ADGRG6: variants seen among roughly 807,000 people sequenced by gnomAD.
ADGRG6 encodes G-protein coupled receptor 126.
In ADGRG6, 84 loss-of-function variants were observed where a neutral mutation model predicts 142.4. The ratio of observed to expected loss-of-function variants is 0.59; its 90% confidence interval spans 0.49 to 0.71. The LOEUF is 0.71. Among genes scored for constraint, ADGRG6 ranks in the 30% least tolerant of loss-of-function variants. The pLI, the probability that ADGRG6 is intolerant of heterozygous loss-of-function variation, is 0.00. For missense variants in ADGRG6, 1,367 were observed against 1,466.6 expected, an observed-to-expected ratio of 0.93 and a Z score of 1.11; for synonymous variants, 521 against 520.5, an observed-to-expected ratio of 1.00 and a Z score of -0.01.
At chr6:142,363,529 A>G (rs1448622452) in intron 2 of ADGRG6, among the ~76,000 whole-genome samples, 1 of 152,174 alleles carries the variant, frequency 6.6e-6, no homozygotes, top group Non-Finnish European at 1.5e-5. Context: ...TGAGGGTGGA[A>G]TTTGGTTTGT....
chr6:142,412,223 T>G (rs1776124443), intron 18 of ADGRG6, among the ~76,000 whole-genome samples: 1 of 152,176 alleles, frequency 6.6e-6, no homozygotes, highest in Non-Finnish European at 1.5e-5. Context: ...ACTTTTCTGG[T>G]CTCCAGGGTA....
chr6:142,438,289 G>A lies in ADGRG6; in HGVS notation c.3499G>A (p.Gly1167Ser), dbSNP rs1368848974. The change falls in exon 24 of 25, where the codon GGT becomes AGT. Residue 1167 changes from glycine (G) to serine (S), a missense_variant. Physicochemically the swap from Gly to Ser is moderately conservative, Grantham distance 56. Coordinates refer to ENST00000367609, the MANE Select transcript of ADGRG6 (RefSeq NM_198569.3). The stretch of plus-strand genomic sequence containing the variant: ...AAAATCTTTGTCTTCAAGCTCCATT[G>A]GTTCCAACTCAACCTATCTTACATC... ...LGKSLSSSSI[G>S]SNSTYLTSKS... 5 of 1,604,452 alleles carry A rather than the reference G, an allele frequency of 3.1e-6. No homozygotes were observed. Among genetic ancestry groups the A allele is most frequent in the Non-Finnish European group, 8.5e-7 (1 of 1,173,438 alleles).
intron 8 of ADGRG6, 113 bp downstream of exon 8, chr6:142,393,113 T>C (rs1230925216): frequency 1.5e-5 from 9 of 610,248 alleles, no homozygotes; most frequent in African/African-American, 1.9e-5. Context: ...ATAGCTACTA[T>C]ATACATAATC....
Position 142,420,054 on chromosome 6 carries a change from C to T in ADGRG6, c.3269C>T (p.Pro1090Leu), listed in dbSNP as rs1562382762. The change falls in exon 22 of 25, where the codon CCC (proline) becomes CTC (leucine). Residue 1090 changes from proline to leucine, a missense_variant. Physicochemically the swap from Pro to Leu is moderately conservative, Grantham distance 98. Transcript: ENST00000367609. ...TWGFAFFAWGPLNIPFMYLFS... is the reference protein window; with the variant it reads ...TWGFAFFAWGLLNIPFMYLFS... ...GGTTTTGCATTCTTTGCCTGGGGAC[C>T]CTTAAATATCCCCTTCATGTACCTC... is the stretch of plus-strand genomic sequence containing the variant. 6.2e-7 allele frequency: 1 copy of T among 1,612,806 alleles called. No homozygotes were observed. Among genetic ancestry groups the T allele is most frequent in the Non-Finnish European group, 8.5e-7 (1 of 1,179,026 alleles).
chr6:142,405,257 T>C, intron 14 of ADGRG6: 1 of 442,450 alleles, frequency 2.3e-6, no homozygotes, highest in Admixed American at 2.5e-5. Context: ...TCTGAGAGTG[T>C]TCATAAAATT....
At chr6:142,417,219 T>C (rs757559996) in intron 20 of ADGRG6, 54 bp from the exon 21 acceptor site, 2 of 881,182 alleles carry the variant, frequency 2.3e-6, no homozygotes, top group East Asian at 2.5e-5. Flanking sequence ...AGCAGTCTTA[T>C]GAAGCAGTTT....
chr6:142,354,271 CA>C (rs1562332684), intron 2 of ADGRG6, among the ~76,000 whole-genome samples: 2 of 152,248 alleles, frequency 1.3e-5, no homozygotes, highest in South Asian at 4.1e-4. Flanking sequence ...CCCGGCTACT[CA>C]GGAGGCTGAG....
Position 142,316,084 on chromosome 6 carries a change from G to T in ADGRG6, c.103+6440G>T, listed in dbSNP as rs545613774. Among the ~76,000 whole-genome samples, 35 of 152,082 alleles carry T rather than the reference G, an allele frequency of 2.3e-4. No homozygotes were observed. In the East Asian group the frequency reaches 6.4e-3, roughly 28 times the overall value. ...GAATGAGATTTTTCTCAGGAAAATG[G>T]TTTGAATTATTAGGTCTTTCATGTC... On this transcript the variant is annotated intron_variant, in intron 2 of 24. Coordinates refer to ENST00000367609, the MANE Select transcript of ADGRG6 (RefSeq NM_198569.3).
At chr6:142,349,630 G>A (rs976332776) in intron 2 of ADGRG6, among the ~76,000 whole-genome samples, 21 of 152,158 alleles carry the variant, frequency 1.4e-4, no homozygotes, top group African/African-American at 4.8e-4. Context: ...GTGCTCCACA[G>A]CATCTACTAC....
chr6:142,429,856 A>G (rs542465545), intron 22 of ADGRG6, among the ~76,000 whole-genome samples: 6 of 152,176 alleles, frequency 3.9e-5, no homozygotes, highest in Non-Finnish European at 7.3e-5. Context: ...GTTCAAGACC[A>G]TCATGGGCAA....
chr6:142,401,953 C>A, intron 11 of ADGRG6, 41 bp from the exon 12 acceptor site: 1 of 875,090 alleles, frequency 1.1e-6, no homozygotes, highest in Non-Finnish European at 1.8e-6. Flanking sequence ...AAAATAATAC[C>A]AGTTATATCA....
intron 8 of ADGRG6, among the ~76,000 whole-genome samples, chr6:142,393,240 A>G (rs183013655): frequency 6.6e-5 from 10 of 152,052 alleles, no homozygotes; most frequent in African/African-American, 1.5e-4. Flanking sequence ...AAATCATGTT[A>G]TAATGTGTCA....
intron 22 of ADGRG6, among the ~76,000 whole-genome samples, chr6:142,423,307 T>C (rs1380945412): frequency 6.7e-6 from 1 of 148,198 alleles, no homozygotes; most frequent in African/African-American, 2.5e-5. Context: ...AGGTCTAACG[T>C]TTAAATCTTT....
intron 21 of ADGRG6, 56 bp downstream of exon 21, chr6:142,417,425 G>A (rs1462612816): frequency 3.8e-6 from 3 of 793,062 alleles, no homozygotes; most frequent in African/African-American, 3.5e-5. Context: ...CTGAAGTTTA[G>A]CATTAATTTC....
chr6:142,383,219 T>G (rs945284598), intron 5 of ADGRG6, among the ~76,000 whole-genome samples: 3 of 152,222 alleles, frequency 2.0e-5, no homozygotes, highest in African/African-American at 7.2e-5. Context: ...AGTAAACTTT[T>G]TGGAATCTTT....
chr6:142,348,116 C>T (rs1263648192), intron 2 of ADGRG6, among the ~76,000 whole-genome samples: 5 of 152,134 alleles, frequency 3.3e-5, no homozygotes, highest in African/African-American at 1.2e-4. Flanking sequence ...AACCCATTAG[C>T]TGCATGGTAA....
At chr6:142,335,615 T>C (rs904410097) in intron 2 of ADGRG6, among the ~76,000 whole-genome samples, 2 of 151,844 alleles carry the variant, frequency 1.3e-5, no homozygotes, top group African/African-American at 4.8e-5. Context: ...AGGTCAGGAG[T>C]TGAGATCCCG....
chr6:142,394,988 G>T (rs1583086078), intron 9 of ADGRG6, among the ~76,000 whole-genome samples: 1 of 152,074 alleles, frequency 6.6e-6, no homozygotes, highest in Non-Finnish European at 1.5e-5. Flanking sequence ...TGGATATACA[G>T]CCCTGATGAC....
intron 2 of ADGRG6, among the ~76,000 whole-genome samples, chr6:142,330,221 G>A (rs1778980968): frequency 6.6e-6 from 1 of 151,832 alleles, no homozygotes; most frequent in African/African-American, 2.4e-5. Context: ...TGGCTGCATT[G>A]GATCAGGAAA....
Sources: gnomAD v4.1 joint callset for allele counts (sites outside exome capture counted in the v4.1 genomes callset) on GRCh38, gnomAD v4.1.1 for gene constraint, MANE v1.5 for transcripts, NCBI Gene and HGNC (gene_info 2026-07-23, HGNC 2026-07-21) for gene names.